SP140: variants seen among roughly 807,000 people sequenced by gnomAD.
SP140 encodes nuclear body protein SP140.
Under a neutral mutation model 125.0 loss-of-function variants are expected in SP140, and 81 were observed. That is an observed-to-expected ratio of 0.65 (90% confidence interval 0.54 to 0.78). The LOEUF (loss-of-function observed/expected upper bound fraction) is 0.78, where lower values mean the gene tolerates loss of function less well. Among genes scored for constraint, SP140 ranks in the 30% least tolerant of loss-of-function variants. The probability of loss-of-function intolerance (pLI) is 0.00; values close to 1 mark genes in which losing one functional copy is unlikely to be tolerated. For missense variants in SP140, 858 were observed against 1,037.0 expected (o/e 0.83, Z 2.37); for synonymous variants, 312 against 354.0 (o/e 0.88, Z 1.33).
Position 230,225,765 on chromosome 2 carries a change from C to A in SP140, c.-80C>A. On this transcript the variant is annotated 5_prime_UTR_variant, in exon 1 of 27. Coordinates refer to ENST00000392045, the MANE Select transcript of SP140 (RefSeq NM_007237.5). ...TCCTCTTTGACTGAGCACCGAGGGGCAGTTGGCAGCTTCACCTCAGAGCTG... is the reference window on the plus strand; with the variant it reads ...TCCTCTTTGACTGAGCACCGAGGGGAAGTTGGCAGCTTCACCTCAGAGCTG... 8.6e-7 allele frequency: 1 copy of A among 1,158,748 alleles called. No homozygotes were observed. Among genetic ancestry groups the A allele is most frequent in the Non-Finnish European group, 1.3e-6 (1 of 764,418 alleles). 71.8% of individuals were successfully genotyped at this position (1,158,748 alleles called of 1,614,324 possible).
chr2:230,215,241 A>G lies in SP140; in HGVS notation c.-91+1167A>G, dbSNP rs2044980074. Reference sequence around the variant, plus strand: ...CTTTTAAGAAGAAATTCAACATAAAATATATAGTCACATTCTCTAAGGTAG... The same window carrying G: ...CTTTTAAGAAGAAATTCAACATAAAGTATATAGTCACATTCTCTAAGGTAG... On this transcript the variant is annotated intron_variant, in intron 3 of 4. Transcript: ENST00000456542. 5.1e-6 allele frequency: 4 copies of G among 780,348 alleles called. No individual in the cohort carries two copies. In the Admixed American group the frequency reaches 7.4e-5, roughly 14 times the overall value. The allele number at this position is 780,348 out of a possible 1,614,324, so 48.3% of individuals were successfully genotyped here.
intron 10 of SP140, among the ~76,000 whole-genome samples, chr2:230,251,710 T>A (rs1054099345): frequency 6.6e-6 from 1 of 152,224 alleles, no homozygotes; most frequent in Non-Finnish European, 1.5e-5. Flanking sequence ...GATCTCTTTA[T>A]GAGACTAAAT....
intron 1 of SP140, among the ~76,000 whole-genome samples, chr2:230,231,998 C>T (rs868837148): frequency 1.3e-5 from 2 of 152,004 alleles, no homozygotes; most frequent in African/African-American, 2.4e-5. Context: ...TGTGAGCCAC[C>T]GTGCCCAGCC....
upstream of SP140, chr2:230,200,922 G>A (rs777870124): frequency 5.0e-6 from 8 of 1,613,864 alleles, no homozygotes; most frequent in Non-Finnish European, 6.8e-6. Flanking sequence ...GCGTCTTCTG[G>A]GACCTCTTTC....
Position 230,237,345 on chromosome 2 carries a change from C to CCCCA in SP140, c.237+86_237+87insCCAC. 7.9e-7 allele frequency: 1 copy of CCCCA among 1,265,922 alleles called. No individual in the cohort carries two copies. Among genetic ancestry groups the CCCCA allele is most frequent in the Non-Finnish European group, 1.1e-6 (1 of 900,856 alleles). The allele number at this position is 1,265,922 out of a possible 1,614,324, so 78.4% of individuals were successfully genotyped here. A position where few individuals can be genotyped will look rare whatever the true frequency, so the allele number is the denominator to read the frequency against. ...AAGATGCAATGAGCAGGCTAAAGGG[C>CCCCA]CTCCTGTGAGTGGGGACCTTCACCA... On this transcript the variant is annotated intron_variant, in intron 2 of 26. Coordinates refer to ENST00000392045, the MANE Select transcript of SP140 (RefSeq NM_007237.5). The surrounding 1 kb of genome is among the most constrained non-coding windows in gnomAD (Gnocchi z 5.4).
the SP140 span, among the ~76,000 whole-genome samples, chr2:230,198,038 A>G: frequency 1.3e-5 from 2 of 152,162 alleles, no homozygotes; most frequent in African/African-American, 4.8e-5. Context: ...AACAAATGAA[A>G]CCAAATTTTG....
intron 12 of SP140, among the ~76,000 whole-genome samples, chr2:230,265,794 G>T (rs920214766): frequency 6.6e-6 from 1 of 151,772 alleles, no homozygotes; most frequent in South Asian, 2.1e-4. Flanking sequence ...GTTTTACGGG[G>T]GGGGGCGGTC....
At chr2:230,215,323 G>A (rs2044995470) in intron 3 of SP140, among the ~76,000 whole-genome samples, 1 of 152,106 alleles carries the variant, frequency 6.6e-6, no homozygotes, top group East Asian at 1.9e-4. Flanking sequence ...TGGATGACTA[G>A]CAACAAAAAT....
At chr2:230,247,879 T>G in intron 7 of SP140, 37 bp from the exon 8 acceptor site, 1 of 1,599,180 alleles carries the variant, frequency 6.3e-7, no homozygotes, top group Non-Finnish European at 8.5e-7. Context: ...ATATGGAAAT[T>G]ACATACACTC....
chr2:230,271,864 G>A (rs545435228), intron 15 of SP140, among the ~76,000 whole-genome samples: 1 of 152,272 alleles, frequency 6.6e-6, no homozygotes, highest in Non-Finnish European at 1.5e-5. Flanking sequence ...AGTAGTGAAA[G>A]GTCAGATTAT....
At chr2:230,201,137 G>A (rs1156640138), upstream of SP140, among the ~76,000 whole-genome samples, 1 of 152,172 alleles carries the variant, frequency 6.6e-6, no homozygotes, top group Non-Finnish European at 1.5e-5. Context: ...CACTGTGCCT[G>A]TCTGCCACTC....
chr2:230,189,723 GTGT>G, the SP140 span, among the ~76,000 whole-genome samples: 1 of 152,114 alleles, frequency 6.6e-6, no homozygotes, highest in Non-Finnish European at 1.5e-5. Context: ...GCCCTGGTGT[GTGT>G]TGTTCCCCTC....
At chr2:230,250,959 G>C in intron 9 of SP140, 22 bp from the exon 10 acceptor site, 1 of 1,612,394 alleles carries the variant, frequency 6.2e-7, no homozygotes, top group Non-Finnish European at 8.5e-7. Flanking sequence ...AATTTCTTGA[G>C]GGATTTCTTT....
intron 21 of SP140, among the ~76,000 whole-genome samples, chr2:230,296,622 T>A (rs3754938): frequency 0.55 from 84,354 of 152,028 alleles, 24,600 homozygotes; most frequent in South Asian, 0.7. Flanking sequence ...CAGGGCTGTG[T>A]CCCTAGGGGA....
In SP140 at chr2:230,273,458, G is replaced by A. The variant is rs150482003; in HGVS notation, c.1498+2819G>A. 1.4e-3 allele frequency among the ~76,000 whole-genome samples: 215 copies of A among 152,284 alleles called. 2 individuals are homozygous for A. The highest frequency in any genetic ancestry group is 4.9e-3 in the African/African-American group (204 of 41,564). On this transcript the variant is annotated intron_variant, in intron 15 of 26. Transcript: ENST00000392045. ...GTCTAAAAACAACAGATACTGACGA[G>A]GTTGTGGAGAAAAAGGAATGCTTAT...
intron 1 of SP140, among the ~76,000 whole-genome samples, chr2:230,204,500 CCATAATGTCTATGACCCCTTTT>C (rs1425997581): frequency 4.6e-5 from 7 of 151,970 alleles, no homozygotes; most frequent in Non-Finnish European, 1.0e-4. Context: ...CACGTGGTGC[CCATAATGTCTATGACCCCTTTT>C]CATAACACAA....
intron 15 of SP140, among the ~76,000 whole-genome samples, chr2:230,282,994 T>C (rs948982489): frequency 6.6e-6 from 1 of 152,220 alleles, no homozygotes; most frequent in African/African-American, 2.4e-5. Flanking sequence ...CAATCTGTCC[T>C]ATTTGTCCAT....
At chr2:230,298,654 A>C (rs2057995332) in intron 22 of SP140, among the ~76,000 whole-genome samples, 1 of 152,196 alleles carries the variant, frequency 6.6e-6, no homozygotes, top group African/African-American at 2.4e-5. Context: ...AACAACATTG[A>C]CTTATAATAT....
In SP140 at chr2:230,312,606, G is replaced by C. The variant is rs1559385619; in HGVS notation, c.2526G>C (p.Met842Ile). 3 of 1,611,412 alleles carry C rather than the reference G, an allele frequency of 1.9e-6. No individual in the cohort carries two copies. In the African/African-American group the frequency reaches 4.0e-5, roughly 22 times the overall value. Residue 842 changes from methionine to isoleucine, a missense_variant, in exon 27 of 27, where the codon ATG (methionine) becomes ATC (isoleucine). Met to Ile is a conservative substitution (Grantham distance 10). Transcript: ENST00000392045. ...ASYKYKDFGQ[M>I]GFRLEAEFEK... ...TTCAGTACAAGGATTTTGGCCAAAT[G>C]GGATTTAGACTGGAGGCTGAGTTTG...
Sources: allele counts gnomAD v4.1 joint callset (sites outside exome capture counted in the v4.1 genomes callset), GRCh38; gene constraint gnomAD v4.1.1; non-coding constraint Gnocchi (gnomAD v3.1); transcripts MANE v1.5; gene names NCBI Gene and HGNC (gene_info 2026-07-23, HGNC 2026-07-21).